The following EGFL6 variants were observed in gnomAD, a reference collection of about 807,000 sequenced individuals.
EGFL6 encodes EGF like domain multiple 6.
A neutral mutation model predicts 43.1 loss-of-function variants in EGFL6; 42 were observed. That is an observed-to-expected ratio of 0.98 (90% CI 0.76 to 1.26). EGFL6 has a LOEUF of 1.26. Among genes scored for constraint, EGFL6 ranks in the 50% most tolerant of loss-of-function variants. EGFL6 has a pLI of 0.00. For synonymous variants in EGFL6, 164 were observed against 163.2 expected (o/e 1.01, Z -0.04); for missense variants, 429 against 427.8 (o/e 1.00, Z -0.02).
At chrX:13,584,213 A>C (rs1602639108) in intron 1 of EGFL6, among the ~76,000 whole-genome samples, 1 of 111,686 alleles carries the variant, frequency 9.0e-6, no homozygotes, top group Non-Finnish European at 1.9e-5. Context: ...CAGGAAGGAG[A>C]CCATAGTCCT....
At chrX:13,606,310 T>TGTGC in intron 5 of EGFL6, 69 bp from the exon 6 acceptor site, 1 of 1,092,814 alleles carries the variant, frequency 9.2e-7, no homozygotes, top group Non-Finnish European at 1.2e-6. Flanking sequence ...TAGCTGTGAG[T>TGTGC]GTGCGTGCGT....
chrX:13,612,259 A>T (rs891653570), intron 7 of EGFL6, among the ~76,000 whole-genome samples: 1 of 108,629 alleles, frequency 9.2e-6, no homozygotes, highest in Non-Finnish European at 1.9e-5. Context: ...CTTAACGAGC[A>T]TGCTGCCTTC....
At position 13,619,165 on chromosome X, in the gene EGFL6, C is replaced by T. The variant is rs1447815473; in HGVS notation, c.1105C>T (p.Pro369Ser). 54 of 1,208,201 alleles carry T rather than the reference C, an allele frequency of 4.5e-5. No individual in the cohort carries two copies. The highest frequency in any genetic ancestry group is 5.7e-5 in the Non-Finnish European group (51 of 893,717). The part of the protein sequence containing the change: ...ERSLRGDVFF[P>S]KVNEAGEFGL... ...ACTGACCAAGTGTTCTTTATTAGTC[C>T]CTAAGGTGAATGAAGCAGGTGAATT... Residue 369 changes from proline to serine, a missense_variant and splice_region_variant, in exon 9 of 12, where the codon CCT (proline) becomes TCT (serine). Pro to Ser is a moderately conservative substitution (Grantham distance 74). Coordinates refer to ENST00000361306, the MANE Select transcript of EGFL6 (RefSeq NM_015507.4).
intron 1 of EGFL6, among the ~76,000 whole-genome samples, chrX:13,571,105 C>T (rs1350886823): frequency 1.9e-5 from 1 of 52,202 alleles, no homozygotes; most frequent in Non-Finnish European, 4.0e-5. Context: ...GACCCCACCC[C>T]ACCCCCCACC....
Position 13,625,885 on chromosome X carries a change from C to CAAAAA in EGFL6, c.1286-1112_1286-1108dup, listed in dbSNP as rs755901799. Among the ~76,000 whole-genome samples the CAAAAA allele has an allele frequency of 5.2e-4, 16 of 30,851 alleles. 1 individual carries two copies. The highest frequency in any genetic ancestry group is 1.4e-3 in the African/African-American group (13 of 9,057). 26.8% of individuals were successfully genotyped at this position (30,851 alleles called of 115,157 possible). A position where few individuals can be genotyped will look rare whatever the true frequency, so the allele number is the denominator to read the frequency against. The stretch of plus-strand genomic sequence containing the variant: ...TGGGTGACAGAGTGAGACCCTGCCT[C>CAAAAA]AAAAAAAAAAAAAAAAAAGAAAAAG... On this transcript the variant is annotated intron_variant, in intron 10 of 11. Coordinates refer to ENST00000361306, the MANE Select transcript of EGFL6 (RefSeq NM_015507.4).
chrX:13,585,640 G>A (rs1309916268), intron 1 of EGFL6, among the ~76,000 whole-genome samples: 1 of 111,477 alleles, frequency 9.0e-6, no homozygotes, highest in Non-Finnish European at 1.9e-5. Context: ...CAAACCTGCA[G>A]TCAAGAAGTT....
In EGFL6 at chrX:13,610,396, C is replaced by T. The variant is rs1466981791; in HGVS notation, c.778+1950C>T. On this transcript the variant is annotated intron_variant, in intron 7 of 11. Transcript: ENST00000361306. ...CATTCCACTGCCCCTGGCTTGCAGG[C>T]TGGGGGCTCTGAGACGGATTCCTGC... Among the ~76,000 whole-genome samples, 4 of 111,624 alleles carry T rather than the reference C, an allele frequency of 3.6e-5. No individual in the cohort carries two copies. In the Admixed American group the frequency reaches 3.8e-4, roughly 11 times the overall value.
At chrX:13,583,038 G>T (rs998669214) in intron 1 of EGFL6, among the ~76,000 whole-genome samples, 2 of 111,075 alleles carry the variant, frequency 1.8e-5, no homozygotes, top group Non-Finnish European at 3.8e-5. Context: ...ATTTCCAACT[G>T]CTTGAAATCT....
chrX:13,594,770 T>C, intron 2 of EGFL6, 66 bp from the exon 3 acceptor site: 1 of 1,056,984 alleles, frequency 9.5e-7, no homozygotes, highest in Admixed American at 2.2e-5. Flanking sequence ...CGCAGCGAAG[T>C]TTTGCGTGCA....
chrX:13,633,004 G>A lies in EGFL6; in HGVS notation c.1571G>A (p.Arg524His), dbSNP rs770186163. The A allele has an allele frequency of 5.8e-6, 7 of 1,207,513 alleles. No individual in the cohort carries two copies. Among genetic ancestry groups the A allele is most frequent in the South Asian group, 1.8e-5 (1 of 56,133 alleles). ...ATKSIIFEAE[R>H]GKGKTGEIAV... ...TATTAGATCATTTTTGAAGCAGAAC[G>A]TGGCAAGGGCAAAACCGGCGAAATC... Residue 524 changes from arginine (R) to histidine (H), a missense_variant, in exon 12 of 12, where the codon CGT becomes CAT. Coordinates refer to ENST00000361306, the MANE Select transcript of EGFL6 (RefSeq NM_015507.4).
chrX:13,573,930 T>A lies in EGFL6; in HGVS notation c.74+3995T>A, dbSNP rs192550099. ...GCACATTCAAGGGACATATGTAGAG[T>A]AAGTGCTCCATCCACCCAGTACCAC... On this transcript the variant is annotated intron_variant, in intron 1 of 11. Transcript: ENST00000361306. 3.6e-5 allele frequency among the ~76,000 whole-genome samples: 4 copies of A among 112,450 alleles called. No individual in the cohort carries two copies. The Admixed American group carries it at 3.7e-4, about 11-fold the overall frequency.
At chrX:13,598,701 A>G (rs1398435697) in intron 3 of EGFL6, among the ~76,000 whole-genome samples, 1 of 107,647 alleles carries the variant, frequency 9.3e-6, no homozygotes, top group East Asian at 2.8e-4. Context: ...TTTCCTATGT[A>G]TTTTTTAAAC....
chrX:13,618,372 C>T (rs991233985), intron 8 of EGFL6, among the ~76,000 whole-genome samples: 4 of 112,746 alleles, frequency 3.5e-5, no homozygotes, highest in African/African-American at 1.3e-4. Context: ...GGCTGCCCAG[C>T]TCTCCATGAG....
rs922662621 is a variant in EGFL6 at position 13,584,403 on chromosome X, G to A, written c.75-5153G>A. Among the ~76,000 whole-genome samples the A allele has an allele frequency of 3.6e-5, 4 of 111,690 alleles. No individual in the cohort carries two copies. The Admixed American group carries it at 3.8e-4, about 11-fold the overall frequency. On this transcript the variant is annotated intron_variant, in intron 1 of 11. Transcript: ENST00000361306. ...ATCTCTTACATGCTGGCATCTTTGGGACTGTGCCCTAAGCCTCCTTCTTTT... is the reference window on the plus strand; with the variant it reads ...ATCTCTTACATGCTGGCATCTTTGGAACTGTGCCCTAAGCCTCCTTCTTTT...
Position 13,569,752 on chromosome X carries a change from G to A in EGFL6, c.-110G>A. On this transcript the variant is annotated 5_prime_UTR_variant, in exon 1 of 12. Coordinates refer to ENST00000361306, the MANE Select transcript of EGFL6 (RefSeq NM_015507.4). ...AGCACCCGGTAACTGCGAGTGGAGC[G>A]GAGGACCCGAGCGGCTGAGGAGAGA... 5 of 761,131 alleles carry A rather than the reference G, an allele frequency of 6.6e-6. No homozygotes were observed. The highest frequency in any genetic ancestry group is 2.3e-5 in the South Asian group (1 of 42,737). 62.7% of individuals were successfully genotyped at this position (761,131 alleles called of 1,213,427 possible). A position where few individuals can be genotyped will look rare whatever the true frequency, so the allele number is the denominator to read the frequency against.
At chrX:13,614,483 A>C (rs931271634) in intron 7 of EGFL6, among the ~76,000 whole-genome samples, 2 of 112,474 alleles carry the variant, frequency 1.8e-5, no homozygotes, top group East Asian at 5.6e-4. Flanking sequence ...CAGTTGAATG[A>C]ATGTCAAAGT....
chrX:13,609,477 C>T (rs773419287), intron 7 of EGFL6, among the ~76,000 whole-genome samples: 34 of 111,755 alleles, frequency 3.0e-4, no homozygotes, highest in Admixed American at 2.9e-3. Flanking sequence ...TTCGGCTGGG[C>T]GTGGCGGCTC....
At chrX:13,602,319 C>T (rs2045638236) in intron 4 of EGFL6, among the ~76,000 whole-genome samples, 1 of 111,605 alleles carries the variant, frequency 9.0e-6, no homozygotes, top group African/African-American at 3.3e-5. Context: ...TTCTTAGCCC[C>T]CCTGCATTTC....
intron 6 of EGFL6, among the ~76,000 whole-genome samples, chrX:13,607,389 T>A (rs757157088): frequency 8.9e-6 from 1 of 112,111 alleles, no homozygotes; most frequent in Non-Finnish European, 1.9e-5. Context: ...ACACGTCTTG[T>A]GTAATCATGT....
Sources: gnomAD v4.1 joint callset for allele counts (sites outside exome capture counted in the v4.1 genomes callset) on GRCh38, gnomAD v4.1.1 for gene constraint, MANE v1.5 for transcripts, NCBI Gene and HGNC (gene_info 2026-07-23, HGNC 2026-07-21) for gene names.